The following ATF6 variants were observed in gnomAD, a reference collection of about 807,000 sequenced individuals.
ATF6 encodes the protein activating transcription factor 6, also known as cyclic AMP-dependent transcription factor ATF-6 alpha.
A neutral mutation model predicts 83.6 loss-of-function variants in ATF6; 53 were observed. That is an observed-to-expected ratio of 0.63 (90% CI 0.51 to 0.80). The LOEUF is 0.80. Among genes scored for constraint, ATF6 ranks in the 30% least tolerant of loss-of-function variants. The probability of loss-of-function intolerance (pLI) is 0.00; values close to 1 mark genes in which losing one functional copy is unlikely to be tolerated. For missense variants in ATF6, 744 were observed against 797.9 expected (o/e 0.93, Z 0.81); for synonymous variants, 288 against 285.8 (o/e 1.01, Z -0.08).
At chr1:161,876,394 A>G (rs899941766) in intron 14 of ATF6, among the ~76,000 whole-genome samples, 1 of 152,054 alleles carries the variant, frequency 6.6e-6, no homozygotes, top group African/African-American at 2.4e-5. Flanking sequence ...TCGATTATCC[A>G]CAATTTTATT....
At chr1:161,906,508 A>G (rs1264700970) in intron 14 of ATF6, among the ~76,000 whole-genome samples, 4 of 152,214 alleles carry the variant, frequency 2.6e-5, no homozygotes, top group Non-Finnish European at 5.9e-5. Context: ...AAGGGGAGGC[A>G]GGGTTAGTTG....
In ATF6 at chr1:161,851,762, C is replaced by T. The variant is rs771360601; in HGVS notation, c.1360C>T (p.Leu454=). ...TTCAAATGACAAAGCCCTGATGGTG[C>T]TAACTGAAGAACCATTGCTTTACAT... is the stretch of plus-strand genomic sequence containing the variant. ...SVSNDKALMV[L]TEEPLLYIPP... Residue 454 remains leucine (L), a synonymous_variant, in exon 11 of 16, where the codon CTA becomes TTA. Coordinates refer to ENST00000367942, the MANE Select transcript of ATF6 (RefSeq NM_007348.4). 5.0e-6 allele frequency: 8 copies of T among 1,613,780 alleles called. No homozygotes were observed. The East Asian group carries it at 1.8e-4, about 36-fold the overall frequency.
chr1:161,881,450 CA>C (rs1295618720), intron 14 of ATF6, among the ~76,000 whole-genome samples: 1 of 152,166 alleles, frequency 6.6e-6, no homozygotes, highest in African/African-American at 2.4e-5. Context: ...CAGCTCACAA[CA>C]TGACAACTTG....
intron 14 of ATF6, among the ~76,000 whole-genome samples, chr1:161,875,210 A>C (rs994023057): frequency 6.6e-6 from 1 of 151,808 alleles, no homozygotes; most frequent in Non-Finnish European, 1.5e-5. Context: ...CTATTTTAAA[A>C]GCCTTTCAGA....
intron 9 of ATF6, among the ~76,000 whole-genome samples, chr1:161,830,933 C>A (rs542824843): frequency 6.6e-5 from 10 of 152,196 alleles, no homozygotes; most frequent in African/African-American, 2.2e-4. Flanking sequence ...GCAACAAAAG[C>A]CAAAATTGAC....
chr1:161,871,472 T>G (rs1192256210), intron 14 of ATF6, among the ~76,000 whole-genome samples: 1 of 151,522 alleles, frequency 6.6e-6, no homozygotes, highest in African/African-American at 2.4e-5. Flanking sequence ...AACATGCACA[T>G]GTACCCCTGA....
At position 161,958,780 on chromosome 1, in the gene ATF6, AAG is replaced by A. The variant is rs1689022048; in HGVS notation, c.*128_*129del. 22 of 743,676 alleles carry A rather than the reference AAG, an allele frequency of 3.0e-5. No individual in the cohort carries two copies. Among genetic ancestry groups the A allele is most frequent in the Admixed American group, 6.3e-5 (2 of 31,972 alleles). The allele number at this position is 743,676 out of a possible 1,614,324, so 46.1% of individuals were successfully genotyped here. Reference sequence around the variant, plus strand: ...GTCTCGTACTAGAATTCAAGGAGGAAAGAAGAAGAAATAAAAGAAGCTGCTCC... The same window carrying A: ...GTCTCGTACTAGAATTCAAGGAGGAAAAGAAGAAATAAAAGAAGCTGCTCC... On this transcript the variant is annotated 3_prime_UTR_variant, in exon 16 of 16. Coordinates refer to ENST00000367942, the MANE Select transcript of ATF6 (RefSeq NM_007348.4).
rs144020724 is a variant in ATF6, at chr1:161,959,791, T to C, written c.*1137T>C. The C allele has an allele frequency of 1.6e-4, 25 of 152,330 alleles. No individual in the cohort carries two copies. The East Asian group carries it at 4.0e-3, about 25-fold the overall frequency. 9.4% of individuals were successfully genotyped at this position (152,330 alleles called of 1,614,324 possible). ...CACCAAGTATTAGCACACATACTTATGTTTTCTCTACTAATCTGGTCCAGG... is the reference window on the plus strand; with the variant it reads ...CACCAAGTATTAGCACACATACTTACGTTTTCTCTACTAATCTGGTCCAGG... On this transcript the variant is annotated 3_prime_UTR_variant, in exon 16 of 16. Transcript: ENST00000367942.
At chr1:161,816,631 CAA>C (rs1414053624) in intron 7 of ATF6, among the ~76,000 whole-genome samples, 5 of 152,078 alleles carry the variant, frequency 3.3e-5, no homozygotes, top group Non-Finnish European at 5.9e-5. Flanking sequence ...GTAATTTCAA[CAA>C]GAGGAGATTA....
intron 7 of ATF6, among the ~76,000 whole-genome samples, chr1:161,811,413 T>A (rs1685452193): frequency 6.6e-6 from 1 of 152,226 alleles, no homozygotes; most frequent in Non-Finnish European, 1.5e-5. Flanking sequence ...GTATGAGATC[T>A]AAAGGAAAAT....
intron 15 of ATF6, among the ~76,000 whole-genome samples, chr1:161,914,499 C>G (rs1287863380): frequency 2.0e-5 from 3 of 152,206 alleles, no homozygotes; most frequent in South Asian, 2.1e-4. Context: ...CATTAGTACT[C>G]TAGCCTTTTT....
intron 7 of ATF6, among the ~76,000 whole-genome samples, chr1:161,812,820 C>T (rs1283838959): frequency 1.4e-5 from 2 of 143,322 alleles, no homozygotes; most frequent in Non-Finnish European, 3.0e-5. Context: ...GTGTGTGTCA[C>T]ATAATTTTCC....
At chr1:161,794,603 A>T (rs1315578161) in intron 6 of ATF6, among the ~76,000 whole-genome samples, 1 of 152,292 alleles carries the variant, frequency 6.6e-6, no homozygotes, top group East Asian at 1.9e-4. Flanking sequence ...GTGAGCCACC[A>T]TGCCTGGCCT....
intron 15 of ATF6, among the ~76,000 whole-genome samples, chr1:161,920,294 C>CTCTTTTTT (rs1157916734): frequency 1.8e-5 from 1 of 54,844 alleles, no homozygotes; most frequent in African/African-American, 7.4e-5. Flanking sequence ...CTCTCTCTCT[C>CTCTTTTTT]TTTTTTTTTT....
At chr1:161,920,294 C>CTTTTTTTTTTTTTTT (rs71798307) in intron 15 of ATF6, among the ~76,000 whole-genome samples, 7,305 of 54,634 alleles carry the variant, frequency 0.13, 2,754 homozygotes, top group Non-Finnish European at 0.18. Context: ...CTCTCTCTCT[C>CTTTTTTTTTTTTTTT]TTTTTTTTTT....
intron 4 of ATF6, among the ~76,000 whole-genome samples, chr1:161,790,565 G>A (rs1448431706): frequency 2.6e-5 from 4 of 152,024 alleles, no homozygotes; most frequent in Non-Finnish European, 2.9e-5. Context: ...ATCCCAGCAC[G>A]TTGGGAGGCT....
chr1:161,841,217 C>T (rs760103896), intron 9 of ATF6, among the ~76,000 whole-genome samples: 5 of 152,160 alleles, frequency 3.3e-5, no homozygotes, highest in Non-Finnish European at 5.9e-5. Context: ...ATGTCACAGT[C>T]GTACTAAAAC....
At chr1:161,887,766 T>A (rs997873067) in intron 14 of ATF6, among the ~76,000 whole-genome samples, 1 of 152,212 alleles carries the variant, frequency 6.6e-6, no homozygotes. Flanking sequence ...TATAAAAGGA[T>A]AAATCAATCC....
intron 15 of ATF6, among the ~76,000 whole-genome samples, chr1:161,946,152 GC>G (rs1389412480): frequency 2.0e-5 from 3 of 152,032 alleles, no homozygotes; most frequent in African/African-American, 7.2e-5. Flanking sequence ...AAACCATCAT[GC>G]CCAGCTAATT....
Sources: gnomAD v4.1 joint callset for allele counts (sites outside exome capture counted in the v4.1 genomes callset) on GRCh38, gnomAD v4.1.1 for gene constraint, MANE v1.5 for transcripts, NCBI Gene and HGNC (gene_info 2026-07-23, HGNC 2026-07-21) for gene names.